XRCC4: variants seen among roughly 807,000 people sequenced by gnomAD.
XRCC4 encodes the protein X-ray repair cross complementing 4.
XRCC4 carries 28 observed loss-of-function variants against 39.1 expected under a neutral mutation model. The observed-to-expected ratio is 0.72, with a 90% CI of 0.53 to 0.98. The LOEUF (loss-of-function observed/expected upper bound fraction) is 0.98. Among genes scored for constraint, XRCC4 ranks in the 50% least tolerant of loss-of-function variants. The pLI is 0.00. For synonymous variants in XRCC4, 123 were observed against 126.4 expected, an observed-to-expected ratio of 0.97 and a Z score of 0.18; for missense variants, 350 against 376.4, an observed-to-expected ratio of 0.93 and a Z score of 0.58.
chr5:83,261,090 A>G (rs189273300), intron 7 of XRCC4, among the ~76,000 whole-genome samples: 56 of 151,952 alleles, frequency 3.7e-4, no homozygotes, highest in Middle Eastern at 3.4e-3. Context: ...TTTTGAATAC[A>G]GGAGACTGAA....
chr5:83,316,709 C>G (rs1156405650), intron 7 of XRCC4, among the ~76,000 whole-genome samples: 3 of 119,790 alleles, frequency 2.5e-5, no homozygotes, highest in African/African-American at 9.7e-5. Context: ...AAAGCAAGTC[C>G]TGAGTGACCT....
At chr5:83,257,094 G>A (rs1465628162) in intron 6 of XRCC4, among the ~76,000 whole-genome samples, 1 of 152,114 alleles carries the variant, frequency 6.6e-6, no homozygotes, top group Non-Finnish European at 1.5e-5. Flanking sequence ...TAGAGATCAA[G>A]TAAAGCATGA....
At chr5:83,173,145 C>G (rs1749806780) in intron 3 of XRCC4, among the ~76,000 whole-genome samples, 1 of 151,924 alleles carries the variant, frequency 6.6e-6, no homozygotes, top group Non-Finnish European at 1.5e-5. Flanking sequence ...AGAGTATGCC[C>G]AGGGCACTGT....
At chr5:83,082,369 G>T (rs1224225726) in intron 1 of XRCC4, among the ~76,000 whole-genome samples, 1 of 152,190 alleles carries the variant, frequency 6.6e-6, no homozygotes, top group Non-Finnish European at 1.5e-5. Context: ...CTATGGTTTA[G>T]TTGATAGAAA....
chr5:83,270,409 A>G (rs559789066), intron 7 of XRCC4, among the ~76,000 whole-genome samples: 1 of 152,200 alleles, frequency 6.6e-6, no homozygotes, highest in East Asian at 1.9e-4. Flanking sequence ...CTCATACTTC[A>G]TGCTTCTAAA....
chr5:83,368,571 T>C, the XRCC4 span, among the ~76,000 whole-genome samples: 1 of 152,182 alleles, frequency 6.6e-6, no homozygotes, highest in Non-Finnish European at 1.5e-5. Context: ...TGGCTAACGA[T>C]GACTAATACA....
At chr5:83,239,812 G>A (rs1580411193) in intron 6 of XRCC4, among the ~76,000 whole-genome samples, 1 of 150,726 alleles carries the variant, frequency 6.6e-6, no homozygotes, top group Middle Eastern at 3.5e-3. Flanking sequence ...CTGGGTGACA[G>A]AGCAAGACTC....
chr5:83,328,756 G>C (rs1756345791), intron 7 of XRCC4, among the ~76,000 whole-genome samples: 1 of 151,928 alleles, frequency 6.6e-6, no homozygotes, highest in Admixed American at 6.6e-5. Context: ...TATTATATAG[G>C]AATAATAGTA....
At chr5:83,167,449 G>T (rs1749535883) in intron 3 of XRCC4, among the ~76,000 whole-genome samples, 1 of 152,126 alleles carries the variant, frequency 6.6e-6, no homozygotes, top group Admixed American at 6.5e-5. Context: ...ATGTAAAAAT[G>T]CTGAGGAAAG....
intron 3 of XRCC4, among the ~76,000 whole-genome samples, chr5:83,119,089 T>A (rs1377297324): frequency 6.6e-6 from 1 of 152,184 alleles, no homozygotes; most frequent in African/African-American, 2.4e-5. Context: ...TAAAACCAGT[T>A]TGCCAAAATA....
intron 6 of XRCC4, among the ~76,000 whole-genome samples, chr5:83,213,342 A>G (rs183901089): frequency 2.6e-4 from 40 of 152,242 alleles, no homozygotes; most frequent in Admixed American, 5.2e-4. Flanking sequence ...AATAGAAAAT[A>G]TAAATACATA....
chr5:83,184,439 C>T (rs927790446), intron 3 of XRCC4, among the ~76,000 whole-genome samples: 1 of 151,336 alleles, frequency 6.6e-6, no homozygotes, highest in Non-Finnish European at 1.5e-5. Flanking sequence ...TGGAGATTGG[C>T]CTTAATAGCT....
chr5:83,092,437 A>G (rs995086630), intron 1 of XRCC4, among the ~76,000 whole-genome samples: 2 of 152,152 alleles, frequency 1.3e-5, no homozygotes, highest in African/African-American at 4.8e-5. Context: ...TCAAATAACA[A>G]AAAAGTTATG....
chr5:83,095,979 A>G (rs1462181164), intron 1 of XRCC4, among the ~76,000 whole-genome samples: 1 of 152,016 alleles, frequency 6.6e-6, no homozygotes, highest in African/African-American at 2.4e-5. Context: ...GCAGTGGTTC[A>G]GACTTACACG....
chr5:83,357,219 G>A (rs1451658537), downstream of XRCC4, among the ~76,000 whole-genome samples: 3 of 152,156 alleles, frequency 2.0e-5, no homozygotes, highest in African/African-American at 7.2e-5. Flanking sequence ...CTGGACACTA[G>A]ATGTGGCAGT....
At chr5:83,310,131 G>A (rs1366750710) in intron 7 of XRCC4, among the ~76,000 whole-genome samples, 1 of 152,166 alleles carries the variant, frequency 6.6e-6, no homozygotes, top group African/African-American at 2.4e-5. Context: ...ATGCGGTAAA[G>A]GCATCTGGCT....
intron 3 of XRCC4, among the ~76,000 whole-genome samples, chr5:83,150,172 G>A (rs897726579): frequency 6.6e-6 from 1 of 152,078 alleles, no homozygotes; most frequent in African/African-American, 2.4e-5. Flanking sequence ...ATAGCTTCAT[G>A]TGTAATACCA....
At chr5:83,126,027 T>C (rs1472957737) in intron 3 of XRCC4, among the ~76,000 whole-genome samples, 2 of 150,830 alleles carry the variant, frequency 1.3e-5, no homozygotes, top group Non-Finnish European at 2.9e-5. Flanking sequence ...ACGTGAATCT[T>C]CCAACTTTAT....
chr5:83,367,899 A>C, the XRCC4 span, among the ~76,000 whole-genome samples: 6 of 151,680 alleles, frequency 4.0e-5, 1 homozygote, highest in South Asian at 1.2e-3. Flanking sequence ...GGCCTCTTTT[A>C]GTCAATATTT....
Sources: gnomAD v4.1 joint callset for allele counts (sites outside exome capture counted in the v4.1 genomes callset) on GRCh38, gnomAD v4.1.1 for gene constraint, MANE v1.5 for transcripts, NCBI Gene and HGNC (gene_info 2026-07-23, HGNC 2026-07-21) for gene names.